ACVR1C: variants seen among roughly 807,000 people sequenced by gnomAD.
ACVR1C encodes activin receptor type-1C.
Under a neutral mutation model 57.9 loss-of-function variants are expected in ACVR1C, and 23 were observed. That is an observed-to-expected ratio of 0.40 (90% CI 0.29 to 0.56). The LOEUF (loss-of-function observed/expected upper bound fraction) is 0.56, where lower values mean the gene tolerates loss of function less well. Among genes scored for constraint, ACVR1C ranks in the 20% least tolerant of loss-of-function variants. ACVR1C has a pLI of 0.50. For synonymous variants in ACVR1C, 214 were observed against 215.3 expected (o/e 0.99, Z 0.05); for missense variants, 480 against 607.9 (o/e 0.79, Z 2.21).
intron 1 of ACVR1C, among the ~76,000 whole-genome samples, chr2:157,591,359 G>A (rs1689052321): frequency 6.6e-6 from 1 of 151,932 alleles, no homozygotes; most frequent in Non-Finnish European, 1.5e-5. Context: ...CTTTGGAGAA[G>A]ACATTTAACC....
At chr2:157,578,940 TA>T (rs1021131368) in intron 2 of ACVR1C, among the ~76,000 whole-genome samples, 1 of 152,222 alleles carries the variant, frequency 6.6e-6, no homozygotes, top group African/African-American at 2.4e-5. Context: ...AAATTGAGTT[TA>T]ATTGAATTTA....
chr2:157,585,820 T>C (rs1688909140), intron 2 of ACVR1C, among the ~76,000 whole-genome samples: 1 of 152,098 alleles, frequency 6.6e-6, no homozygotes, highest in African/African-American at 2.4e-5. Context: ...AGAGAATAAG[T>C]GTGGTCTAAA....
intron 1 of ACVR1C, among the ~76,000 whole-genome samples, chr2:157,618,916 AC>A (rs766515594): frequency 1.1e-4 from 16 of 151,868 alleles, no homozygotes; most frequent in Non-Finnish European, 3.0e-5. Flanking sequence ...TTAGAAAAAA[AC>A]AAAAAAAGGG....
intron 1 of ACVR1C, among the ~76,000 whole-genome samples, chr2:157,625,016 A>G (rs1233943245): frequency 2.6e-5 from 4 of 152,208 alleles, no homozygotes; most frequent in African/African-American, 9.6e-5. Context: ...CTGTGGCTCT[A>G]TTTAATGCGT....
At chr2:157,607,852 TG>T (rs1682441223) in intron 1 of ACVR1C, among the ~76,000 whole-genome samples, 1 of 151,836 alleles carries the variant, frequency 6.6e-6, no homozygotes, top group African/African-American at 2.4e-5. Context: ...GGAATTTTTT[TG>T]GTGGAGGCTT....
intron 8 of ACVR1C, among the ~76,000 whole-genome samples, chr2:157,538,011 A>G (rs1687528934): frequency 1.3e-5 from 2 of 152,304 alleles, no homozygotes; most frequent in African/African-American, 4.8e-5. Flanking sequence ...AACTTATTGA[A>G]TGTAAAGATG....
At chr2:157,571,350 A>C (rs1479420502) in intron 2 of ACVR1C, among the ~76,000 whole-genome samples, 1 of 23,584 alleles carries the variant, frequency 4.2e-5, no homozygotes, top group Non-Finnish European at 8.6e-5. Context: ...GCAACAAAAG[A>C]CAAAATTGAC....
At chr2:157,547,269 A>G (rs551290124) in intron 4 of ACVR1C, among the ~76,000 whole-genome samples, 1,389 of 118,024 alleles carry the variant, frequency 0.012, 45 homozygotes, top group African/African-American at 0.038. Context: ...ATAATGCCGC[A>G]ATAAACACAT....
intron 1 of ACVR1C, among the ~76,000 whole-genome samples, chr2:157,588,940 T>A (rs545339063): frequency 6.8e-6 from 1 of 147,988 alleles, no homozygotes; most frequent in South Asian, 2.1e-4. Context: ...TTTGTATTCA[T>A]TTTTTGTATT....
chr2:157,539,950 G>A (rs1687582353), intron 7 of ACVR1C, among the ~76,000 whole-genome samples: 1 of 152,182 alleles, frequency 6.6e-6, no homozygotes, highest in African/African-American at 2.4e-5. Context: ...CATAAAGTCT[G>A]CAAGGTTTTT....
chr2:157,583,616 A>G (rs777513120), intron 2 of ACVR1C, among the ~76,000 whole-genome samples: 1 of 152,214 alleles, frequency 6.6e-6, no homozygotes, highest in Non-Finnish European at 1.5e-5. Flanking sequence ...TGATTTCAAT[A>G]CTTACTATAA....
intron 8 of ACVR1C, among the ~76,000 whole-genome samples, chr2:157,536,349 T>C (rs966265254): frequency 6.6e-6 from 1 of 152,294 alleles, no homozygotes; most frequent in Non-Finnish European, 1.5e-5. Flanking sequence ...GAGACATCTA[T>C]ACTGAAGACA....
In ACVR1C at chr2:157,532,064, A is replaced by C. The variant is rs550131518; in HGVS notation, c.*1854T>G. The C allele has an allele frequency of 1.3e-5, 2 of 152,242 alleles. No homozygotes were observed. The highest frequency in any genetic ancestry group is 4.1e-4 in the South Asian group (2 of 4,820). The allele number at this position is 152,242 out of a possible 1,614,324, so 9.4% of individuals were successfully genotyped here. A position where few individuals can be genotyped will look rare whatever the true frequency, so the allele number is the denominator to read the frequency against. On this transcript the variant is annotated 3_prime_UTR_variant, in exon 9 of 9. Transcript: ENST00000243349. ...TGGATGAGAGCATTAACGAGTATGG[A>C]AGTACACGCAAACTCCATAGCTGTC...
Position 157,530,605 on chromosome 2 carries a change from A to G in ACVR1C, c.*3313T>C, listed in dbSNP as rs964063866. ...AGATTTTCATTTTTAAATAAAAGCT[A>G]ATTTTAATTTTTTCAGATACTGCAA... is the stretch of plus-strand genomic sequence containing the variant. On this transcript the variant is annotated 3_prime_UTR_variant, in exon 9 of 9. Transcript: ENST00000243349. 3 of 152,136 alleles carry G rather than the reference A, an allele frequency of 2.0e-5. No homozygotes were observed. The highest frequency in any genetic ancestry group is 4.4e-5 in the Non-Finnish European group (3 of 67,992). 9.4% of individuals were successfully genotyped at this position (152,136 alleles called of 1,614,324 possible). A position where few individuals can be genotyped will look rare whatever the true frequency, so the allele number is the denominator to read the frequency against.
chr2:157,551,240 GCTT>G (rs945440391), intron 3 of ACVR1C, among the ~76,000 whole-genome samples: 5 of 152,178 alleles, frequency 3.3e-5, no homozygotes, highest in African/African-American at 4.8e-5. Context: ...CTGCGCTTCA[GCTT>G]CTTCATCTGA....
At chr2:157,553,778 G>A (rs1175992288) in intron 3 of ACVR1C, among the ~76,000 whole-genome samples, 1 of 152,144 alleles carries the variant, frequency 6.6e-6, no homozygotes, top group Non-Finnish European at 1.5e-5. Context: ...ATAAATCAGA[G>A]GTCTCTGTGC....
At chr2:157,618,496 T>C (rs998963013) in intron 1 of ACVR1C, among the ~76,000 whole-genome samples, 1 of 151,648 alleles carries the variant, frequency 6.6e-6, no homozygotes, top group African/African-American at 2.4e-5. Flanking sequence ...AAAAGACAAG[T>C]ATGTAAGACA....
intron 2 of ACVR1C, among the ~76,000 whole-genome samples, chr2:157,574,556 T>C (rs1317372635): frequency 6.6e-6 from 1 of 152,070 alleles, no homozygotes; most frequent in African/African-American, 2.4e-5. Context: ...ACTGTGTAGA[T>C]CAAATAAAAC....
chr2:157,564,213 C>T (rs942345192), intron 2 of ACVR1C, among the ~76,000 whole-genome samples: 1 of 151,988 alleles, frequency 6.6e-6, no homozygotes, highest in Non-Finnish European at 1.5e-5. Flanking sequence ...TGCAATCTAC[C>T]CATTAGACAA....
Sources: allele counts gnomAD v4.1 joint callset (sites outside exome capture counted in the v4.1 genomes callset), GRCh38; gene constraint gnomAD v4.1.1; transcripts MANE v1.5; gene names NCBI Gene and HGNC (gene_info 2026-07-23, HGNC 2026-07-21).